The following CCDC178 variants were observed in gnomAD, a reference collection of about 807,000 sequenced individuals.
The protein encoded by CCDC178 is coiled-coil domain-containing protein 178.
CCDC178 carries 126 observed loss-of-function variants against 117.4 expected under a neutral mutation model. The ratio of observed to expected loss-of-function variants is 1.07; its 90% CI spans 0.93 to 1.24. The LOEUF (loss-of-function observed/expected upper bound fraction) is 1.24. Ranked by LOEUF, CCDC178 falls within the 50% of genes most tolerant of loss-of-function variation. CCDC178 has a pLI of 0.00. For synonymous variants in CCDC178, 283 were observed against 313.4 expected, an observed-to-expected ratio of 0.90 and a Z score of 1.02; for missense variants, 1,030 against 986.9, an observed-to-expected ratio of 1.04 and a Z score of -0.59.
At position 33,249,663 on chromosome 18, in the gene CCDC178, T is replaced by C. The variant is rs2059594258; in HGVS notation, c.1410-4235A>G. On this transcript the variant is annotated intron_variant, in intron 14 of 22. Transcript: ENST00000383096. Reference sequence around the variant, plus strand: ...GGTACCAGTACCATGCTGTTTTGGTTACTGTAGCCTTGTAGCATAGTTTGA... The same window carrying C: ...GGTACCAGTACCATGCTGTTTTGGTCACTGTAGCCTTGTAGCATAGTTTGA... Among the ~76,000 whole-genome samples, 3 of 152,126 alleles carry C rather than the reference T, an allele frequency of 2.0e-5. No individual in the cohort carries two copies. The South Asian group carries it at 6.2e-4, about 31-fold the overall frequency.
At chr18:33,146,012 A>G (rs1210963301) in intron 20 of CCDC178, among the ~76,000 whole-genome samples, 1 of 152,230 alleles carries the variant, frequency 6.6e-6, no homozygotes, top group Non-Finnish European at 1.5e-5. Context: ...ACTAAAAGCC[A>G]AAAAACTAAC....
At chr18:33,423,488 A>G (rs1381742198) in intron 2 of CCDC178, among the ~76,000 whole-genome samples, 1 of 152,126 alleles carries the variant, frequency 6.6e-6, no homozygotes, top group Non-Finnish European at 1.5e-5. Context: ...TAGTATATCT[A>G]TTCTCCTATT....
intron 20 of CCDC178, among the ~76,000 whole-genome samples, chr18:33,111,637 C>G (rs2057784884): frequency 6.6e-6 from 1 of 151,572 alleles, no homozygotes; most frequent in East Asian, 1.9e-4. Context: ...GAAAAATAAC[C>G]ATTCATTTAA....
intron 22 of CCDC178, among the ~76,000 whole-genome samples, chr18:32,946,150 A>G (rs2144605809): frequency 6.6e-6 from 1 of 152,282 alleles, no homozygotes; most frequent in Non-Finnish European, 1.5e-5. Flanking sequence ...ACTTCTAGGG[A>G]GGCTCTGTGC....
intron 14 of CCDC178, among the ~76,000 whole-genome samples, chr18:33,252,008 G>A (rs187294920): frequency 9.9e-5 from 15 of 151,824 alleles, no homozygotes; most frequent in Non-Finnish European, 1.8e-4. Context: ...AATAAGGTGG[G>A]ATATAAAAAT....
chr18:33,346,111 C>G (rs1429546371), intron 9 of CCDC178, 100 bp downstream of exon 9: 3 of 854,568 alleles, frequency 3.5e-6, no homozygotes. Context: ...CAGGCATGAG[C>G]CATGGCACTA....
At chr18:33,287,760 C>G (rs2060117201) in intron 12 of CCDC178, among the ~76,000 whole-genome samples, 1 of 151,932 alleles carries the variant, frequency 6.6e-6, no homozygotes, top group Admixed American at 6.6e-5. Context: ...GCCTGGGCAA[C>G]AGAGAGAGAC....
At chr18:33,369,213 A>G (rs1334396482) in intron 6 of CCDC178, among the ~76,000 whole-genome samples, 4 of 151,972 alleles carry the variant, frequency 2.6e-5, no homozygotes, top group Non-Finnish European at 5.9e-5. Flanking sequence ...TATTGAGTGC[A>G]TATCATTTGC....
At chr18:33,341,044 T>C (rs917596433) in intron 9 of CCDC178, among the ~76,000 whole-genome samples, 44 of 152,014 alleles carry the variant, frequency 2.9e-4, no homozygotes, top group African/African-American at 1.0e-3. Flanking sequence ...CACTAGCCCA[T>C]GAAAGCAGTC....
In CCDC178 at chr18:33,349,922, T is replaced by C. The variant is rs541130011; in HGVS notation, c.372-947A>G. Reference sequence around the variant, plus strand: ...TGAAATTATTTTCAGTGTATTTTACTACCATTTCATATTTCTAATGGCTAC... The same window carrying C: ...TGAAATTATTTTCAGTGTATTTTACCACCATTTCATATTTCTAATGGCTAC... On this transcript the variant is annotated intron_variant, in intron 7 of 22. Transcript: ENST00000383096. Among the ~76,000 whole-genome samples the C allele has an allele frequency of 2.6e-5, 4 of 152,086 alleles. No individual in the cohort carries two copies. The East Asian group carries it at 7.7e-4, about 29-fold the overall frequency.
intron 21 of CCDC178, among the ~76,000 whole-genome samples, chr18:33,081,217 T>C (rs1193650836): frequency 6.6e-6 from 1 of 152,224 alleles, no homozygotes; most frequent in Non-Finnish European, 1.5e-5. Flanking sequence ...GTGACTATTA[T>C]TAATATAATT....
chr18:33,039,269 A>C (rs2056502259), intron 21 of CCDC178, among the ~76,000 whole-genome samples: 1 of 152,114 alleles, frequency 6.6e-6, no homozygotes, highest in Admixed American at 6.6e-5. Context: ...GAATGAAAAC[A>C]GAAGGAAGAA....
chr18:32,993,552 A>T (rs2055438163), intron 21 of CCDC178, among the ~76,000 whole-genome samples: 1 of 152,140 alleles, frequency 6.6e-6, no homozygotes, highest in Non-Finnish European at 1.5e-5. Context: ...CTCACCATTA[A>T]ATTCTTTCCT....
chr18:33,270,694 G>A (rs2059876728), intron 12 of CCDC178, among the ~76,000 whole-genome samples: 1 of 151,502 alleles, frequency 6.6e-6, no homozygotes, highest in Non-Finnish European at 1.5e-5. Flanking sequence ...CAAATATTGG[G>A]ATAAACCTGT....
chr18:33,319,864 T>A (rs1363461383), intron 11 of CCDC178, among the ~76,000 whole-genome samples: 1 of 152,222 alleles, frequency 6.6e-6, no homozygotes, highest in Non-Finnish European at 1.5e-5. Context: ...TTCATATCCT[T>A]TGCCAACTTT....
chr18:33,315,913 AAATT>A (rs1303925952), intron 11 of CCDC178, among the ~76,000 whole-genome samples: 1 of 152,248 alleles, frequency 6.6e-6, no homozygotes, highest in African/African-American at 2.4e-5. Context: ...GTAATTAAGA[AAATT>A]AATCCTTCAT....
At chr18:32,988,126 T>C (rs1164350716) in intron 21 of CCDC178, among the ~76,000 whole-genome samples, 1 of 142,490 alleles carries the variant, frequency 7.0e-6, no homozygotes, top group Non-Finnish European at 1.5e-5. Context: ...AATAAATTTA[T>C]CAAAATTAAT....
chr18:33,337,930 A>T (rs1218218437), intron 9 of CCDC178, among the ~76,000 whole-genome samples: 1 of 152,204 alleles, frequency 6.6e-6, no homozygotes, highest in East Asian at 1.9e-4. Flanking sequence ...AAACTAAAAA[A>T]GCTTCTGCTC....
intron 2 of CCDC178, among the ~76,000 whole-genome samples, chr18:33,413,055 G>T (rs554074580): frequency 2.0e-5 from 3 of 152,164 alleles, no homozygotes; most frequent in South Asian, 2.1e-4. Context: ...AACTCAAAGT[G>T]CTGAACAGAA....
Sources: gnomAD v4.1 joint callset for allele counts (sites outside exome capture counted in the v4.1 genomes callset) on GRCh38, gnomAD v4.1.1 for gene constraint, MANE v1.5 for transcripts, NCBI Gene and HGNC (gene_info 2026-07-23, HGNC 2026-07-21) for gene names.